The following CCDC102B variants were observed in gnomAD, a reference collection of about 807,000 sequenced individuals.
CCDC102B encodes coiled-coil domain-containing protein 102B.
A neutral mutation model predicts 57.4 loss-of-function variants in CCDC102B; 75 were observed. The ratio of observed to expected loss-of-function variants is 1.31; its 90% confidence interval spans 1.08 to 1.58. CCDC102B has a LOEUF of 1.58. Among genes scored for constraint, CCDC102B ranks in the 40% most tolerant of loss-of-function variants. The pLI is 0.00. For synonymous variants in CCDC102B, 206 were observed against 201.9 expected (o/e 1.02, Z -0.17); for missense variants, 636 against 582.6 (o/e 1.09, Z -0.94).
At chr18:68,780,236 G>T (rs985740061) in intron 2 of CCDC102B, among the ~76,000 whole-genome samples, 1 of 151,888 alleles carries the variant, frequency 6.6e-6, no homozygotes, top group Non-Finnish European at 1.5e-5. Flanking sequence ...TTGAATTTAT[G>T]TGCCATGATT....
chr18:68,721,262 A>C lies in CCDC102B; in HGVS notation c.-67+4668A>C, dbSNP rs536723937. On this transcript the variant is annotated intron_variant, in intron 2 of 3. Coordinates refer to the CCDC102B transcript ENST00000578970. ...GGGTGCAGGTTAATGAATTTTTACAAAATGAGCATGCCCATGTAACTGTTT... is the reference window on the plus strand; with the variant it reads ...GGGTGCAGGTTAATGAATTTTTACACAATGAGCATGCCCATGTAACTGTTT... 5 of 152,360 alleles carry C rather than the reference A, an allele frequency of 3.3e-5. No homozygotes were observed. In the East Asian group the frequency reaches 9.6e-4, roughly 29 times the overall value. The allele number at this position is 152,360 out of a possible 1,614,324, so 9.4% of individuals were successfully genotyped here. A position where few individuals can be genotyped will look rare whatever the true frequency, so the allele number is the denominator to read the frequency against.
Position 69,054,361 on chromosome 18 carries a change from T to C in CCDC102B, c.*224T>C. 8.5e-7 allele frequency: 1 copy of C among 1,174,998 alleles called. No homozygotes were observed. Among genetic ancestry groups the C allele is most frequent in the Non-Finnish European group, 1.1e-6 (1 of 951,090 alleles). The allele number at this position is 1,174,998 out of a possible 1,614,324, so 72.8% of individuals were successfully genotyped here. ...AAATGTCATTTAAAAACAACTTTAA[T>C]TCTAAGATGTGTAAATATTTTGAAA... is the stretch of plus-strand genomic sequence containing the variant. On this transcript the variant is annotated 3_prime_UTR_variant, in exon 8 of 8. Transcript: ENST00000360242.
At chr18:68,794,632 C>T (rs1798176659), upstream of CCDC102B, among the ~76,000 whole-genome samples, 3 of 152,102 alleles carry the variant, frequency 2.0e-5, no homozygotes, top group South Asian at 6.2e-4. Context: ...ATAAACTTGC[C>T]AACAAATTTT....
At chr18:68,834,159 G>A (rs2037263295) in intron 1 of CCDC102B, among the ~76,000 whole-genome samples, 1 of 152,032 alleles carries the variant, frequency 6.6e-6, no homozygotes, top group South Asian at 2.1e-4. Context: ...TATTTAGTCA[G>A]ATGTGAAAAA....
intron 3 of CCDC102B, among the ~76,000 whole-genome samples, chr18:68,842,251 A>G (rs186219125): frequency 1.1e-4 from 16 of 146,784 alleles, no homozygotes; most frequent in African/African-American, 3.7e-4. Flanking sequence ...ATATATATAT[A>G]TTCCTCAATG....
At chr18:68,784,673 C>A (rs965513026) in intron 2 of CCDC102B, among the ~76,000 whole-genome samples, 2 of 152,104 alleles carry the variant, frequency 1.3e-5, no homozygotes, top group African/African-American at 4.8e-5. Flanking sequence ...TAATAATTTT[C>A]TACATATATA....
chr18:69,037,228 G>A (rs1190718375), intron 7 of CCDC102B, among the ~76,000 whole-genome samples: 2 of 151,812 alleles, frequency 1.3e-5, no homozygotes, highest in South Asian at 2.1e-4. Flanking sequence ...TGTGGATGTC[G>A]TGGATGTGTA....
At chr18:68,718,838 G>C (rs1276531255) in intron 2 of CCDC102B, among the ~76,000 whole-genome samples, 2 of 152,148 alleles carry the variant, frequency 1.3e-5, no homozygotes, top group African/African-American at 4.8e-5. Flanking sequence ...GTCTCATTTA[G>C]TGGTGTTGAG....
At chr18:68,789,702 T>G (rs1303981006) in intron 2 of CCDC102B, among the ~76,000 whole-genome samples, 8 of 145,714 alleles carry the variant, frequency 5.5e-5, no homozygotes, top group Non-Finnish European at 1.1e-4. Flanking sequence ...AGCACTTCTC[T>G]GTATTGGTTA....
At chr18:68,732,801 A>T (rs1242022284) in intron 2 of CCDC102B, among the ~76,000 whole-genome samples, 1 of 152,158 alleles carries the variant, frequency 6.6e-6, no homozygotes, top group Non-Finnish European at 1.5e-5. Context: ...TCTATGTATT[A>T]AAAAACTATG....
chr18:69,035,528 G>A (rs1467567182), intron 7 of CCDC102B, among the ~76,000 whole-genome samples: 1 of 152,046 alleles, frequency 6.6e-6, no homozygotes, highest in African/African-American at 2.4e-5. Flanking sequence ...TGTGATATTG[G>A]AGGACCTGGA....
chr18:68,944,944 C>G (rs922307436), intron 6 of CCDC102B, among the ~76,000 whole-genome samples: 7 of 151,940 alleles, frequency 4.6e-5, no homozygotes, highest in African/African-American at 1.7e-4. Flanking sequence ...CTTGTGATTC[C>G]AGTTTCACCA....
At chr18:68,867,666 G>A (rs1322867912) in intron 4 of CCDC102B, among the ~76,000 whole-genome samples, 2 of 152,138 alleles carry the variant, frequency 1.3e-5, no homozygotes, top group African/African-American at 4.8e-5. Flanking sequence ...CGGGCGCAGT[G>A]GCTCACGCCT....
chr18:68,850,079 G>T (rs1381640243), intron 4 of CCDC102B, among the ~76,000 whole-genome samples: 1 of 152,092 alleles, frequency 6.6e-6, no homozygotes, highest in African/African-American at 2.4e-5. Flanking sequence ...TAATTGCAAG[G>T]CATGTTGAGC....
chr18:68,971,047 T>C (rs1252712804), intron 6 of CCDC102B, among the ~76,000 whole-genome samples: 1 of 152,044 alleles, frequency 6.6e-6, no homozygotes, highest in Non-Finnish European at 1.5e-5. Flanking sequence ...ATGCAATAAA[T>C]ATTTGCAATA....
intron 6 of CCDC102B, among the ~76,000 whole-genome samples, chr18:68,937,392 C>T (rs538455839): frequency 1.2e-4 from 19 of 152,144 alleles, no homozygotes; most frequent in African/African-American, 4.1e-4. Context: ...CAGCTGGAAA[C>T]GTGGTCATCC....
At chr18:68,761,100 T>C (rs1357689802) in intron 2 of CCDC102B, among the ~76,000 whole-genome samples, 1 of 152,092 alleles carries the variant, frequency 6.6e-6, no homozygotes, top group Non-Finnish European at 1.5e-5. Context: ...CTCTGTGCCG[T>C]GGAACACAGC....
At chr18:68,760,645 T>G (rs748933645) in intron 2 of CCDC102B, among the ~76,000 whole-genome samples, 14 of 152,082 alleles carry the variant, frequency 9.2e-5, no homozygotes, top group Non-Finnish European at 2.1e-4. Context: ...ATTGTCACTA[T>G]AAAAGCAAAT....
intron 7 of CCDC102B, among the ~76,000 whole-genome samples, chr18:69,022,246 GCACACA>G (rs201040947): frequency 7.3e-6 from 1 of 137,330 alleles, no homozygotes; most frequent in Non-Finnish European, 1.5e-5. Context: ...GCGTGCGTGT[GCACACA>G]CACACACATA....
Sources: gnomAD v4.1 joint callset for allele counts (sites outside exome capture counted in the v4.1 genomes callset) on GRCh38, gnomAD v4.1.1 for gene constraint, MANE v1.5 for transcripts, NCBI Gene and HGNC (gene_info 2026-07-23, HGNC 2026-07-21) for gene names.